BBC3: variants seen among roughly 807,000 people sequenced by gnomAD.
BBC3 encodes bcl-2-binding component 3.
A neutral mutation model predicts 18.2 loss-of-function variants in BBC3; 5 were observed. That is an observed-to-expected ratio of 0.27 (90% CI 0.14 to 0.58). The LOEUF is 0.58. Ranked by LOEUF, BBC3 falls within the 20% of genes least tolerant of loss-of-function variation. The pLI is 0.91. For missense variants in BBC3, 224 were observed against 268.9 expected (o/e 0.83, Z 1.17); for synonymous variants, 119 against 128.0 (o/e 0.93, Z 0.47).
At position 47,221,366 on chromosome 19, in the gene BBC3, AG is replaced by A. The variant is rs373224142; in HGVS notation, c.*435del. On this transcript the variant is annotated 3_prime_UTR_variant, in exon 4 of 4. Coordinates refer to ENST00000439096, the MANE Select transcript of BBC3 (RefSeq NM_014417.5). ...TCTTCACGGGCCCCCTCCCAGGAGG[AG>A]GGGGGGAAGCACCAGGGGCCTGAGG... The A allele has an allele frequency of 4.3e-3, 907 of 212,330 alleles. 14 individuals are homozygous for A. The highest frequency in any genetic ancestry group is 0.025 in the African/African-American group (861 of 34,322). The allele number at this position is 212,330 out of a possible 1,614,324, so 13.2% of individuals were successfully genotyped here.
intron 3 of BBC3, among the ~76,000 whole-genome samples, chr19:47,224,060 C>T (rs1250382210): frequency 1.3e-5 from 2 of 152,062 alleles, no homozygotes; most frequent in Non-Finnish European, 2.9e-5. Flanking sequence ...TTTGGGAGGC[C>T]GAGGTGGGTG....
intron 2 of BBC3, 109 bp from the exon 3 acceptor site, chr19:47,226,863 G>A: frequency 1.0e-6 from 1 of 1,000,298 alleles, no homozygotes; most frequent in Non-Finnish European, 1.4e-6. Context: ...CATTTCTAGT[G>A]ATCCCATCGC....
chr19:47,225,318 G>T (rs1277112871), intron 3 of BBC3, among the ~76,000 whole-genome samples: 1 of 152,150 alleles, frequency 6.6e-6, no homozygotes, highest in Non-Finnish European at 1.5e-5. Context: ...AAAGGGCTGG[G>T]ATTACAGGCG....
At chr19:47,226,449 G>C in intron 3 of BBC3, 115 bp downstream of exon 3, 2 of 751,622 alleles carry the variant, frequency 2.7e-6, no homozygotes, top group Non-Finnish European at 3.6e-6. Flanking sequence ...CTGCCTGTCC[G>C]CGGAGCGACC....
In BBC3 at chr19:47,221,934, A is replaced by C. The variant is rs553748375; in HGVS notation, c.466-16T>G. ...CCTCTTGTCTCTGGGGAAAAGAGAGAGAAGGGGCAGTTAGCAGGGGACTGA... is the reference window on the plus strand; with the variant it reads ...CCTCTTGTCTCTGGGGAAAAGAGAGCGAAGGGGCAGTTAGCAGGGGACTGA... On this transcript the variant is annotated splice_polypyrimidine_tract_variant and intron_variant, in intron 3 of 3. Transcript: ENST00000439096. 6.3e-7 allele frequency: 1 copy of C among 1,588,136 alleles called. No homozygotes were observed. Among genetic ancestry groups the C allele is most frequent in the East Asian group, 2.3e-5 (1 of 44,310 alleles).
At position 47,224,023 on chromosome 19, in the gene BBC3, A is replaced by C. The variant is rs924031562; in HGVS notation, c.466-2105T>G. On this transcript the variant is annotated intron_variant, in intron 3 of 3. Coordinates refer to ENST00000439096, the MANE Select transcript of BBC3 (RefSeq NM_014417.5). ...AAGGCAATAAATAATGGCCGGGCGC[A>C]GTGGCTTACACCTGTAATCCCAGCA... is the stretch of plus-strand genomic sequence containing the variant. 7.9e-5 allele frequency among the ~76,000 whole-genome samples: 12 copies of C among 152,024 alleles called. 1 individual carries two copies. The highest frequency in any genetic ancestry group is 7.9e-4 in the Admixed American group (12 of 15,248).
chr19:47,229,901 C>G (rs562306132), intron 1 of BBC3, among the ~76,000 whole-genome samples: 1 of 152,110 alleles, frequency 6.6e-6, no homozygotes, highest in Non-Finnish European at 1.5e-5. Flanking sequence ...CGCAGCATCA[C>G]AAACGCTGGG....
intron 3 of BBC3, among the ~76,000 whole-genome samples, chr19:47,223,079 G>C (rs1568620589): frequency 6.7e-6 from 1 of 150,060 alleles, no homozygotes. Flanking sequence ...GATCATCCTG[G>C]CTAACACAGT....
chr19:47,228,024 T>C lies in BBC3; in HGVS notation c.274+134A>G. 1.5e-6 allele frequency: 1 copy of C among 676,836 alleles called. No individual in the cohort carries two copies. Among genetic ancestry groups the C allele is most frequent in the Non-Finnish European group, 2.0e-6 (1 of 490,904 alleles). The allele number at this position is 676,836 out of a possible 1,614,324, so 41.9% of individuals were successfully genotyped here. ...TGCTTCTTGCAACACAAAGACCACA[T>C]TGGCCACACCCTCCCAGTGGCCCGG... On this transcript the variant is annotated intron_variant, in intron 2 of 3. Coordinates refer to ENST00000439096, the MANE Select transcript of BBC3 (RefSeq NM_014417.5). The surrounding 1 kb of genome is among the most constrained non-coding windows in gnomAD (Gnocchi z 5.5).
At position 47,228,734 on chromosome 19, in the gene BBC3, A is replaced by G. The variant is rs181990674; in HGVS notation, c.-15-288T>C. On this transcript the variant is annotated intron_variant, in intron 1 of 3. Coordinates refer to ENST00000439096, the MANE Select transcript of BBC3 (RefSeq NM_014417.5). The surrounding 1 kb of genome is among the most constrained non-coding windows in gnomAD (Gnocchi z 5.5). ...TCACACAGGACGGATGGAGGGGTCTAGCAGGTGTGTGTATGAGGGCTGTGA... is the reference window on the plus strand; with the variant it reads ...TCACACAGGACGGATGGAGGGGTCTGGCAGGTGTGTGTATGAGGGCTGTGA... 2.3e-3 allele frequency among the ~76,000 whole-genome samples: 354 copies of G among 152,100 alleles called. 3 individuals carry two copies. Among genetic ancestry groups the G allele is most frequent in the African/African-American group, 8.2e-3 (341 of 41,482 alleles).
chr19:47,222,035 T>G, intron 3 of BBC3, 117 bp from the exon 4 acceptor site: 2 of 876,348 alleles, frequency 2.3e-6, no homozygotes, highest in Non-Finnish European at 1.6e-6. Flanking sequence ...TTCCAGCTCC[T>G]CCCCCCGCCT....
At position 47,221,868 on chromosome 19, in the gene BBC3, G is replaced by A. The variant is rs200472266; in HGVS notation, c.516C>T (p.Tyr172=). The A allele has an allele frequency of 1.2e-4, 200 of 1,613,150 alleles. No homozygotes were observed. The highest frequency in any genetic ancestry group is 1.6e-4 in the Non-Finnish European group (192 of 1,179,692). Residue 172 remains tyrosine, a synonymous_variant, in exon 4 of 4, where the codon TAC becomes TAT. Coordinates refer to ENST00000439096, the MANE Select transcript of BBC3 (RefSeq NM_014417.5). ...AGGGCAGGAGTCCCATGATGAGATT[G>A]TACAGGACCCTCCAGGGTGAGGGGC... The part of the protein sequence containing the change: ...RHRPSPWRVL[Y]NLIMGLLPLP...
chr19:47,226,772 G>GC lies in BBC3; in HGVS notation c.275-19dup, dbSNP rs2058830794. 1 of 1,384,530 alleles carries GC rather than the reference G, an allele frequency of 7.2e-7. No individual in the cohort carries two copies. Among genetic ancestry groups the GC allele is most frequent in the African/African-American group, 1.5e-5 (1 of 65,424 alleles). The allele number at this position is 1,384,530 out of a possible 1,614,324, so 85.8% of individuals were successfully genotyped here. ...CTGAGGACCTTGGAGAGGCAGAGGGGCGCGGTCAGCACCCACCACCCCTCC... is the reference window on the plus strand; with the variant it reads ...CTGAGGACCTTGGAGAGGCAGAGGGGCCGCGGTCAGCACCCACCACCCCTCC... On this transcript the variant is annotated intron_variant, in intron 2 of 3. Coordinates refer to ENST00000439096, the MANE Select transcript of BBC3 (RefSeq NM_014417.5).
intron 3 of BBC3, among the ~76,000 whole-genome samples, chr19:47,226,183 G>C (rs2058815924): frequency 6.6e-6 from 1 of 151,516 alleles, no homozygotes; most frequent in African/African-American, 2.4e-5. Flanking sequence ...CCGCGCGAGA[G>C]GGACGGCAGG....
intron 3 of BBC3, among the ~76,000 whole-genome samples, chr19:47,226,061 C>T (rs1485738805): frequency 6.6e-6 from 1 of 151,570 alleles, no homozygotes; most frequent in African/African-American, 2.4e-5. Flanking sequence ...TTTAAAAAAT[C>T]GAGGCCGTGC....
Position 47,231,155 on chromosome 19 carries a change from C to T in BBC3, c.-242G>A. 1 of 985,190 alleles carries T rather than the reference C, an allele frequency of 1.0e-6. No individual in the cohort carries two copies. The highest frequency in any genetic ancestry group is 1.2e-6 in the Non-Finnish European group (1 of 829,834). 61.0% of individuals were successfully genotyped at this position (985,190 alleles called of 1,614,324 possible). ...CTGCTGGGATCGCTGGTGCCGCCGC[C>T]GCCGCCGCCAGGCGCCCGCTCGCAT... On this transcript the variant is annotated 5_prime_UTR_variant, in exon 1 of 4. Transcript: ENST00000439096. The surrounding 1 kb of genome is among the most constrained non-coding windows in gnomAD (Gnocchi z 4.0).
upstream of BBC3, chr19:47,232,689 C>T (rs1174299197): frequency 2.9e-5 from 37 of 1,280,820 alleles, no homozygotes; most frequent in Non-Finnish European, 3.9e-5. Flanking sequence ...TTTTGTCCTT[C>T]CTTTTTCCAA....
In BBC3 at chr19:47,221,430, C is replaced by CCCCCCCCCCCCCCCG; in HGVS notation, c.*371_*372insCGGGGGGGGGGGGGG. 1 of 250,616 alleles carries CCCCCCCCCCCCCCCG rather than the reference C, an allele frequency of 4.0e-6. No homozygotes were observed. The highest frequency in any genetic ancestry group is 7.2e-6 in the Non-Finnish European group (1 of 139,742). 15.5% of individuals were successfully genotyped at this position (250,616 alleles called of 1,614,324 possible). On this transcript the variant is annotated 3_prime_UTR_variant, in exon 4 of 4. Coordinates refer to ENST00000439096, the MANE Select transcript of BBC3 (RefSeq NM_014417.5). ...TGAAGGAGCACCGAGAGGAGAGCCC[C>CCCCCCCCCCCCCCCG]CCCCTCCCAGTGTCACCCCTGCAGC...
chr19:47,225,505 C>T (rs1030422441), intron 3 of BBC3, among the ~76,000 whole-genome samples: 3 of 151,134 alleles, frequency 2.0e-5, no homozygotes, highest in African/African-American at 7.3e-5. Context: ...TACAGGCCCG[C>T]GCCACCACAC....
Sources: gnomAD v4.1 joint callset for allele counts (sites outside exome capture counted in the v4.1 genomes callset) on GRCh38, gnomAD v4.1.1 for gene constraint, Gnocchi (gnomAD v3.1) non-coding constraint, MANE v1.5 for transcripts, NCBI Gene and HGNC (gene_info 2026-07-23, HGNC 2026-07-21) for gene names.